The following FTO variants were observed in gnomAD, a reference collection of about 807,000 sequenced individuals.
The protein encoded by FTO is alpha-ketoglutarate-dependent dioxygenase FTO.
Under a neutral mutation model 63.9 loss-of-function variants are expected in FTO, and 47 were observed. That is an observed-to-expected ratio of 0.74 (90% confidence interval 0.58 to 0.94). FTO has a LOEUF of 0.94. FTO is among the 40% of genes least tolerant of loss of function. FTO has a pLI of 0.00. For synonymous variants in FTO, 207 were observed against 224.4 expected (o/e 0.92, Z 0.69); for missense variants, 562 against 618.1 (o/e 0.91, Z 0.96).
intron 8 of FTO, among the ~76,000 whole-genome samples, chr16:53,939,877 G>A (rs991010006): frequency 1.2e-4 from 18 of 152,090 alleles, no homozygotes; most frequent in African/African-American, 4.1e-4. Context: ...ATGGGCAGTT[G>A]GGTTGTTGGA....
At chr16:53,938,319 T>C (rs1424887427) in intron 8 of FTO, among the ~76,000 whole-genome samples, 2 of 152,262 alleles carry the variant, frequency 1.3e-5, no homozygotes, top group Non-Finnish European at 2.9e-5. Flanking sequence ...ATCATGGTGA[T>C]GCTAATTATT....
At chr16:53,857,974 A>G (rs1259053100) in intron 4 of FTO, among the ~76,000 whole-genome samples, 2 of 150,472 alleles carry the variant, frequency 1.3e-5, no homozygotes, top group Admixed American at 1.4e-4. Context: ...TAAGAAAACA[A>G]TGCTCAAAAT....
intron 8 of FTO, among the ~76,000 whole-genome samples, chr16:53,953,272 C>T (rs1356730639): frequency 6.6e-6 from 1 of 152,198 alleles, no homozygotes; most frequent in Non-Finnish European, 1.5e-5. Context: ...CCAGTATAAT[C>T]AAAACAAGAA....
intron 1 of FTO, among the ~76,000 whole-genome samples, chr16:53,752,918 G>A (rs1456768770): frequency 6.7e-6 from 1 of 148,848 alleles, no homozygotes; most frequent in African/African-American, 2.5e-5. Context: ...AGATATGACT[G>A]CCTTTTTTTT....
chr16:54,112,268 G>C lies in FTO; in HGVS notation c.*353G>C, dbSNP rs970562571. 31 of 346,798 alleles carry C rather than the reference G, an allele frequency of 8.9e-5. No homozygotes were observed. Among genetic ancestry groups the C allele is most frequent in the African/African-American group, 6.2e-4 (29 of 46,958 alleles). 21.5% of individuals were successfully genotyped at this position (346,798 alleles called of 1,614,324 possible). On this transcript the variant is annotated 3_prime_UTR_variant, in exon 9 of 9. Coordinates refer to ENST00000471389, the MANE Select transcript of FTO (RefSeq NM_001080432.3). ...TTCCCAAGCTTTTTCAGAGACTCTG[G>C]AGTGGACCCAGCCCTCTGGGGAAAG...
intron 8 of FTO, among the ~76,000 whole-genome samples, chr16:54,111,097 G>A (rs541829630): frequency 6.6e-5 from 10 of 152,214 alleles, no homozygotes; most frequent in South Asian, 2.1e-4. Flanking sequence ...AATAAAAACC[G>A]TGATTTAAGT....
At chr16:54,004,554 A>T (rs1376579412) in intron 8 of FTO, among the ~76,000 whole-genome samples, 1 of 152,186 alleles carries the variant, frequency 6.6e-6, no homozygotes, top group Non-Finnish European at 1.5e-5. Flanking sequence ...TACTCCATGG[A>T]ACTAGAGCAT....
At chr16:53,995,224 C>T (rs567960968) in intron 8 of FTO, among the ~76,000 whole-genome samples, 2 of 152,322 alleles carry the variant, frequency 1.3e-5, no homozygotes, top group South Asian at 4.1e-4. Flanking sequence ...ACAGTGAGCC[C>T]GTTGAGGGCG....
chr16:54,111,988 C>T lies in FTO; in HGVS notation c.*73C>T. ...CCTCCAACGTTGTCATGGGCTTAAG[C>T]AAGAGCAGTGGAGACTTCTCTTGGC... is the stretch of plus-strand genomic sequence containing the variant. On this transcript the variant is annotated 3_prime_UTR_variant, in exon 9 of 9. Transcript: ENST00000471389. The T allele has an allele frequency of 6.4e-7, 1 of 1,553,578 alleles. No homozygotes were observed. Among genetic ancestry groups the T allele is most frequent in the South Asian group, 1.1e-5 (1 of 89,618 alleles).
At chr16:53,898,398 A>G (rs1359804470) in intron 7 of FTO, among the ~76,000 whole-genome samples, 1 of 152,062 alleles carries the variant, frequency 6.6e-6, no homozygotes, top group Non-Finnish European at 1.5e-5. Context: ...GCTCTGACCA[A>G]GCACTCTCTC....
chr16:53,752,256 A>G (rs1181411782), intron 1 of FTO, among the ~76,000 whole-genome samples: 3 of 152,216 alleles, frequency 2.0e-5, no homozygotes, highest in Non-Finnish European at 2.9e-5. Flanking sequence ...TGTTGTAAAG[A>G]TTCAACAGTG....
intron 8 of FTO, among the ~76,000 whole-genome samples, chr16:53,963,818 T>A (rs943022725): frequency 3.3e-5 from 5 of 152,214 alleles, no homozygotes; most frequent in Admixed American, 3.3e-4. Context: ...AGTAGCACGA[T>A]CTTAGCTCAC....
chr16:53,905,533 T>G (rs1377603618), intron 7 of FTO, among the ~76,000 whole-genome samples: 2 of 152,206 alleles, frequency 1.3e-5, no homozygotes, highest in African/African-American at 2.4e-5. Flanking sequence ...TCACCTGAGT[T>G]CCTGTTGCTC....
chr16:54,077,028 G>C (rs528736354), intron 8 of FTO, among the ~76,000 whole-genome samples: 2 of 152,152 alleles, frequency 1.3e-5, no homozygotes, highest in African/African-American at 4.8e-5. Context: ...TTAACTGACT[G>C]AGGTAAGGAG....
At chr16:54,086,709 T>C (rs2086260986) in intron 8 of FTO, among the ~76,000 whole-genome samples, 1 of 152,212 alleles carries the variant, frequency 6.6e-6, no homozygotes, top group South Asian at 2.1e-4. Context: ...AAAGGCAGGA[T>C]TCTCAATGAT....
intron 1 of FTO, among the ~76,000 whole-genome samples, chr16:53,739,174 T>C (rs1237845177): frequency 6.6e-6 from 1 of 151,286 alleles, no homozygotes; most frequent in Non-Finnish European, 1.5e-5. Context: ...ATAATTCTAT[T>C]AGCCAAAGAA....
At chr16:54,042,126 G>T (rs1334415638) in intron 8 of FTO, among the ~76,000 whole-genome samples, 1 of 152,066 alleles carries the variant, frequency 6.6e-6, no homozygotes, top group Non-Finnish European at 1.5e-5. Context: ...AATAGGAACA[G>T]CTCCGGTCTA....
chr16:53,765,895 C>T (rs2077188559), intron 1 of FTO, among the ~76,000 whole-genome samples: 2 of 152,128 alleles, frequency 1.3e-5, no homozygotes, highest in Admixed American at 6.5e-5. Flanking sequence ...TATTCCAAGT[C>T]CCATTGGAAA....
chr16:53,742,367 G>GT (rs979113530), intron 1 of FTO, among the ~76,000 whole-genome samples: 52 of 152,134 alleles, frequency 3.4e-4, no homozygotes, highest in African/African-American at 1.2e-3. Context: ...GGGAAGGCAA[G>GT]TTTTTTTTGG....
Sources: allele counts gnomAD v4.1 joint callset (sites outside exome capture counted in the v4.1 genomes callset), GRCh38; gene constraint gnomAD v4.1.1; transcripts MANE v1.5; gene names NCBI Gene and HGNC (gene_info 2026-07-23, HGNC 2026-07-21).